METAP2: variants seen among roughly 807,000 people sequenced by gnomAD.
METAP2 encodes methionyl aminopeptidase 2.
METAP2 carries 25 observed loss-of-function variants against 59.4 expected under a neutral mutation model. The ratio of observed to expected loss-of-function variants is 0.42; its 90% confidence interval spans 0.31 to 0.59. The LOEUF (loss-of-function observed/expected upper bound fraction) is 0.59, where lower values mean the gene tolerates loss of function less well. Ranked by LOEUF, METAP2 falls within the 20% of genes least tolerant of loss-of-function variation. The pLI is 0.16. For synonymous variants in METAP2, 214 were observed against 194.1 expected, an observed-to-expected ratio of 1.10 and a Z score of -0.85; for missense variants, 366 against 581.2, an observed-to-expected ratio of 0.63 and a Z score of 3.81.
rs375477473 is a variant in METAP2, at chr12:95,474,265, C to G, written c.86C>G (p.Ser29Cys). Residue 29 changes from serine (S) to cysteine (C), a missense_variant, in exon 1 of 11, where the codon TCT becomes TGT. Coordinates refer to ENST00000323666, the MANE Select transcript of METAP2 (RefSeq NM_006838.4). ...DPDDREEGAASTAEEAAKKKR... is the reference protein window; with the variant it reads ...DPDDREEGAACTAEEAAKKKR... ...GACGACAGGGAAGAAGGAGCTGCCT[C>G]TACGGCTGAGGAAGCAGCCAAGAAA... 1.2e-6 allele frequency: 2 copies of G among 1,614,106 alleles called. No individual in the cohort carries two copies. Among genetic ancestry groups the G allele is most frequent in the African/African-American group, 1.3e-5 (1 of 74,946 alleles).
In METAP2 at chr12:95,512,892, T is replaced by G; in HGVS notation, c.1160T>G (p.Phe387Cys). The G allele has an allele frequency of 6.2e-7, 1 of 1,610,312 alleles. No homozygotes were observed. The highest frequency in any genetic ancestry group is 2.2e-5 in the East Asian group (1 of 44,830). The change falls in exon 10 of 11, where the codon TTT (phenylalanine) becomes TGT (cysteine). Residue 387 changes from phenylalanine to cysteine, a missense_variant. Transcript: ENST00000323666. ...GAATGTTCACATTACATGAAAAATT[T>G]TGATGTTGGACATGTGCCAATAAGG... ...DMECSHYMKN[F>C]DVGHVPIRLP...
At chr12:95,493,820 C>G (rs1252512404) in intron 4 of METAP2, among the ~76,000 whole-genome samples, 3 of 152,192 alleles carry the variant, frequency 2.0e-5, no homozygotes, top group Non-Finnish European at 4.4e-5. Flanking sequence ...GTTCCTCTGA[C>G]TATGAATGAA....
At chr12:95,499,070 G>T (rs1210809331) in intron 7 of METAP2, among the ~76,000 whole-genome samples, 1 of 151,880 alleles carries the variant, frequency 6.6e-6, no homozygotes, top group Admixed American at 6.6e-5. Flanking sequence ...TTTCTGGGCT[G>T]TTCATTTTAT....
chr12:95,508,070 C>T (rs67537859), intron 8 of METAP2, among the ~76,000 whole-genome samples: 13,183 of 151,648 alleles, frequency 0.087, 812 homozygotes, highest in African/African-American at 0.17. Flanking sequence ...CGTGAGGCAC[C>T]GCACCCAGCC....
chr12:95,494,921 A>C (rs763308693), intron 5 of METAP2, 36 bp from the exon 6 acceptor site: 1 of 1,566,040 alleles, frequency 6.4e-7, no homozygotes, highest in African/African-American at 1.4e-5. Context: ...GTAAGAATGT[A>C]AAAGTAAACA....
At chr12:95,506,320 G>A (rs1375677581) in intron 8 of METAP2, among the ~76,000 whole-genome samples, 7 of 122,578 alleles carry the variant, frequency 5.7e-5, no homozygotes, top group South Asian at 2.7e-4. Context: ...TTTTTGAGAC[G>A]CAATCTCACT....
rs768426519 is a variant in METAP2 at position 95,474,339 on chromosome 12, A to G, written c.151+9A>G. On this transcript the variant is annotated intron_variant, in intron 1 of 10. Transcript: ENST00000323666. ...CAAAGGGCCTTCTGCAGGTAAAGAG[A>G]GTTTTATGTTTTCCCAGTCCCCTCC... 7 of 1,612,904 alleles carry G rather than the reference A, an allele frequency of 4.3e-6. No individual in the cohort carries two copies. Among genetic ancestry groups the G allele is most frequent in the Admixed American group, 3.3e-5 (2 of 59,772 alleles).
Position 95,507,980 on chromosome 12 carries a change from T to C in METAP2, c.964+3819T>C, listed in dbSNP as rs931766256. ...TTTTTTTTAGTAGATGTGGTGTTTCTCCATGTTGGTCAGGCGGTCTTGAAC... is the reference window on the plus strand; with the variant it reads ...TTTTTTTTAGTAGATGTGGTGTTTCCCCATGTTGGTCAGGCGGTCTTGAAC... On this transcript the variant is annotated intron_variant, in intron 8 of 10. Transcript: ENST00000323666. Among the ~76,000 whole-genome samples, 22 of 148,338 alleles carry C rather than the reference T, an allele frequency of 1.5e-4. No individual in the cohort carries two copies. In the East Asian group the frequency reaches 4.3e-3, roughly 29 times the overall value.
At chr12:95,512,107 C>G (rs2076407287) in intron 9 of METAP2, 109 bp downstream of exon 9, 4 of 684,414 alleles carry the variant, frequency 5.8e-6, no homozygotes, top group Non-Finnish European at 9.5e-6. Context: ...AGCTGCTTAT[C>G]ATCCATATTC....
rs747127500 is a variant in METAP2, at chr12:95,513,889, A to G, written c.1422A>G (p.Arg474=). Residue 474 remains arginine (R), a synonymous_variant, in exon 11 of 11, where the codon AGA becomes AGG. Transcript: ENST00000323666. ...CAACATGTAAAGAAGTTGTCAGCAGAGGAGATGACTATTAAACTTAGTCCA... is the reference window on the plus strand; with the variant it reads ...CAACATGTAAAGAAGTTGTCAGCAGGGGAGATGACTATTAAACTTAGTCCA... The part of the protein sequence containing the change: ...LRPTCKEVVS[R]GDDY 3 of 1,613,624 alleles carry G rather than the reference A, an allele frequency of 1.9e-6. No homozygotes were observed. Among genetic ancestry groups the G allele is most frequent in the African/African-American group, 1.3e-5 (1 of 75,060 alleles).
chr12:95,476,998 A>G (rs1480182953), intron 2 of METAP2, among the ~76,000 whole-genome samples: 1 of 152,208 alleles, frequency 6.6e-6, no homozygotes, highest in East Asian at 1.9e-4. Context: ...CAGATAGGGA[A>G]GTGGTAGTTA....
chr12:95,505,279 C>T (rs1276977150), intron 8 of METAP2, among the ~76,000 whole-genome samples: 1 of 152,180 alleles, frequency 6.6e-6, no homozygotes, highest in Non-Finnish European at 1.5e-5. Flanking sequence ...AGACAGTTAC[C>T]ACCAACGTAA....
intron 1 of METAP2, 61 bp downstream of exon 1, chr12:95,474,391 G>A: frequency 1.3e-6 from 2 of 1,563,314 alleles, no homozygotes; most frequent in South Asian, 1.2e-5. Flanking sequence ...TTTGGCTCAG[G>A]CCCGTTGAGG....
intron 7 of METAP2, among the ~76,000 whole-genome samples, chr12:95,502,892 ATTTC>A (rs1307497895): frequency 6.8e-6 from 1 of 147,480 alleles, no homozygotes; most frequent in East Asian, 2.0e-4. Context: ...AGCTCCAGAA[ATTTC>A]TTTTTCTTTT....
chr12:95,513,622 A>T (rs1217352709), intron 10 of METAP2, 30 bp from the exon 11 acceptor site: 1 of 1,601,184 alleles, frequency 6.2e-7, no homozygotes, highest in South Asian at 1.1e-5. Flanking sequence ...CTCTTTTGCC[A>T]ACAGTTAATT....
chr12:95,507,665 A>G (rs1023697635), intron 8 of METAP2, among the ~76,000 whole-genome samples: 3 of 152,242 alleles, frequency 2.0e-5, no homozygotes, highest in Middle Eastern at 3.4e-3. Flanking sequence ...CCACCTTATT[A>G]CGCCTTTTCT....
At chr12:95,491,927 C>T (rs1018919190) in intron 4 of METAP2, among the ~76,000 whole-genome samples, 4 of 152,188 alleles carry the variant, frequency 2.6e-5, no homozygotes, top group East Asian at 1.9e-4. Flanking sequence ...TACCCCTTCT[C>T]CCAAGTAGCT....
At chr12:95,511,407 T>TTG (rs2076401662) in intron 8 of METAP2, among the ~76,000 whole-genome samples, 1 of 144,640 alleles carries the variant, frequency 6.9e-6, no homozygotes, top group Non-Finnish European at 1.5e-5. Context: ...TTTTTTTTTT[T>TTG]TTTTTTGAGA....
Position 95,513,852 on chromosome 12 carries a change from T to TC in METAP2, c.1387dup (p.Leu463ProfsTer7). On this transcript the variant is annotated frameshift_variant, in exon 11 of 11. Coordinates refer to ENST00000323666, the MANE Select transcript of METAP2 (RefSeq NM_006838.4). LOFTEE classifies it high-confidence loss of function. ...TATACAGCGCAATTTGAACATACCATCCTGTTGCGTCCAACATGTAAAGAA... is the reference window on the plus strand; with the variant it reads ...TATACAGCGCAATTTGAACATACCATCCCTGTTGCGTCCAACATGTAAAGAA... 1.9e-6 allele frequency: 3 copies of TC among 1,614,180 alleles called. No individual in the cohort carries two copies. Among genetic ancestry groups the TC allele is most frequent in the Non-Finnish European group, 2.5e-6 (3 of 1,180,018 alleles).
Sources: gnomAD v4.1 joint callset for allele counts (sites outside exome capture counted in the v4.1 genomes callset) on GRCh38, gnomAD v4.1.1 for gene constraint, MANE v1.5 for transcripts, NCBI Gene and HGNC (gene_info 2026-07-23, HGNC 2026-07-21) for gene names.